NRXN3: variants seen among roughly 807,000 people sequenced by gnomAD.
The protein encoded by NRXN3 is neurexin III.
NRXN3 carries 32 observed loss-of-function variants against 137.6 expected under a neutral mutation model. That is an observed-to-expected ratio of 0.23 (90% CI 0.18 to 0.31). The LOEUF (loss-of-function observed/expected upper bound fraction) is 0.31, where lower values mean the gene tolerates loss of function less well. NRXN3 is among the 10% of genes least tolerant of loss of function. NRXN3 has a pLI of 1.00. For missense variants in NRXN3, 1,574 were observed against 2,062.5 expected (o/e 0.76, Z 4.59); for synonymous variants, 798 against 784.5 (o/e 1.02, Z -0.29).
chr14:78,554,213 G>A (rs1312837329), intron 4 of NRXN3, among the ~76,000 whole-genome samples: 1 of 152,180 alleles, frequency 6.6e-6, no homozygotes, highest in African/African-American at 2.4e-5. Context: ...TGACTGAGGT[G>A]AGCAAGCTGC....
chr14:79,619,990 AAAG>A (rs1201061035), intron 16 of NRXN3, among the ~76,000 whole-genome samples: 1 of 152,110 alleles, frequency 6.6e-6, no homozygotes, highest in African/African-American at 2.4e-5. Context: ...AAACCTCTGA[AAAG>A]AAGTTATTGT....
intron 20 of NRXN3, among the ~76,000 whole-genome samples, chr14:79,811,327 TAATTC>T (rs1188604600): frequency 6.6e-6 from 1 of 152,184 alleles, no homozygotes; most frequent in Non-Finnish European, 1.5e-5. Context: ...TTACTTAATT[TAATTC>T]ATTATTATTG....
intron 4 of NRXN3, among the ~76,000 whole-genome samples, chr14:78,315,672 T>A (rs568750584): frequency 3.9e-5 from 6 of 152,218 alleles, no homozygotes; most frequent in Non-Finnish European, 5.9e-5. Context: ...GTGATTGGGA[T>A]CTTAGCTTGA....
At chr14:79,799,494 A>G (rs1161148102) in intron 19 of NRXN3, among the ~76,000 whole-genome samples, 2 of 152,206 alleles carry the variant, frequency 1.3e-5, no homozygotes, top group African/African-American at 2.4e-5. Context: ...AGGGCAGGAC[A>G]TGAAATTCAT....
chr14:78,934,359 A>C (rs2099329770), intron 10 of NRXN3, among the ~76,000 whole-genome samples: 1 of 152,178 alleles, frequency 6.6e-6, no homozygotes, highest in Non-Finnish European at 1.5e-5. Context: ...CAATGCTTCC[A>C]GCTCAGTCAG....
intron 3 of NRXN3, among the ~76,000 whole-genome samples, chr14:78,282,843 CTT>C (rs752240455): frequency 1.3e-5 from 2 of 152,228 alleles, no homozygotes; most frequent in African/African-American, 2.4e-5. Flanking sequence ...TCTAGTCTGA[CTT>C]TTGTTTGTGG....
At chr14:79,588,357 T>C (rs1457011306) in intron 16 of NRXN3, among the ~76,000 whole-genome samples, 1 of 152,226 alleles carries the variant, frequency 6.6e-6, no homozygotes, top group Non-Finnish European at 1.5e-5. Context: ...TGGTCCCAAC[T>C]CAAATCTGCT....
intron 1 of NRXN3, among the ~76,000 whole-genome samples, chr14:78,190,537 G>C (rs2060616376): frequency 6.6e-6 from 1 of 152,220 alleles, no homozygotes; most frequent in African/African-American, 2.4e-5. Context: ...GTGACAGAAT[G>C]ACAATGACAA....
At chr14:78,867,666 G>T (rs1250199801) in intron 10 of NRXN3, among the ~76,000 whole-genome samples, 1 of 152,134 alleles carries the variant, frequency 6.6e-6, no homozygotes, top group South Asian at 2.1e-4. Flanking sequence ...TGGAGGAAAA[G>T]AATGTCCTTA....
intron 16 of NRXN3, among the ~76,000 whole-genome samples, chr14:79,491,034 CACTG>C (rs2096711823): frequency 6.6e-6 from 1 of 152,134 alleles, no homozygotes; most frequent in Non-Finnish European, 1.5e-5. Context: ...ACTTCTCAAG[CACTG>C]ACTGAGTGCC....
In NRXN3 at chr14:78,425,752, T is replaced by C. The variant is rs79875037; in HGVS notation, c.757+127892T>C. On this transcript the variant is annotated intron_variant, in intron 4 of 20. Transcript: ENST00000335750. Reference sequence around the variant, plus strand: ...CCCACCCACTCTTGGCTCCTGGCCCTACCTCCTTCACCCCTCTTCGATTTG... The same window carrying C: ...CCCACCCACTCTTGGCTCCTGGCCCCACCTCCTTCACCCCTCTTCGATTTG... Among the ~76,000 whole-genome samples the C allele has an allele frequency of 8.3e-3, 1,268 of 152,336 alleles. 10 individuals carry two copies. The highest frequency in any genetic ancestry group is 0.014 in the Middle Eastern group (4 of 294).
intron 4 of NRXN3, among the ~76,000 whole-genome samples, chr14:78,461,006 T>C (rs746033539): frequency 1.5e-4 from 23 of 152,182 alleles, no homozygotes; most frequent in Non-Finnish European, 2.9e-4. Flanking sequence ...AAATACTCTT[T>C]AACTGAGAGA....
At chr14:79,687,325 G>A (rs990586180) in intron 17 of NRXN3, among the ~76,000 whole-genome samples, 6 of 152,256 alleles carry the variant, frequency 3.9e-5, no homozygotes, top group Middle Eastern at 3.4e-3. Context: ...CAGAAATGTG[G>A]CTCAAGCCAA....
chr14:78,988,322 C>T, intron 15 of NRXN3, 181 bp downstream of exon 15: 1 of 711,488 alleles, frequency 1.4e-6, no homozygotes, highest in East Asian at 2.8e-5. Flanking sequence ...ATGTGTCTTG[C>T]TTAACAACAC....
At chr14:79,269,043 C>CTTATT (rs71131690) in intron 15 of NRXN3, among the ~76,000 whole-genome samples, 8 of 150,342 alleles carry the variant, frequency 5.3e-5, no homozygotes, top group African/African-American at 1.2e-4. Context: ...TTTTATTTTT[C>CTTATT]TTATTTTATT....
chr14:79,650,980 C>A (rs917150911), intron 16 of NRXN3, among the ~76,000 whole-genome samples: 2 of 152,142 alleles, frequency 1.3e-5, no homozygotes, highest in Non-Finnish European at 2.9e-5. Context: ...GAAGGCAAGA[C>A]AATGAAACTG....
intron 15 of NRXN3, among the ~76,000 whole-genome samples, chr14:79,223,102 G>A (rs927271752): frequency 6.6e-6 from 1 of 152,110 alleles, no homozygotes; most frequent in African/African-American, 2.4e-5. Flanking sequence ...ACCTGAGTTA[G>A]AAAACTGACC....
At chr14:79,480,290 G>C (rs1197456155) in intron 16 of NRXN3, among the ~76,000 whole-genome samples, 1 of 152,126 alleles carries the variant, frequency 6.6e-6, no homozygotes, top group Non-Finnish European at 1.5e-5. Context: ...TTTCATGTTT[G>C]CTACTTATAT....
intron 4 of NRXN3, among the ~76,000 whole-genome samples, chr14:78,418,170 G>T (rs1437294257): frequency 1.3e-5 from 2 of 152,224 alleles, no homozygotes; most frequent in Non-Finnish European, 2.9e-5. Flanking sequence ...TTAGCCTGGG[G>T]TGGACTGGGG....
Sources: allele counts gnomAD v4.1 joint callset (sites outside exome capture counted in the v4.1 genomes callset), GRCh38; gene constraint gnomAD v4.1.1; transcripts MANE v1.5; gene names NCBI Gene and HGNC (gene_info 2026-07-23, HGNC 2026-07-21).